Variants in ASIC2 observed in about 807,000 individuals in gnomAD.
ASIC2 encodes the protein acid sensing ion channel subunit 2.
Under a neutral mutation model 57.3 loss-of-function variants are expected in ASIC2, and 25 were observed. That is an observed-to-expected ratio of 0.44 (90% confidence interval 0.32 to 0.61). The LOEUF (loss-of-function observed/expected upper bound fraction) is 0.61, where lower values mean the gene tolerates loss of function less well. ASIC2 is among the 20% of genes least tolerant of loss of function. The pLI is 0.06. For missense variants in ASIC2, 641 were observed against 738.1 expected, an observed-to-expected ratio of 0.87 and a Z score of 1.52; for synonymous variants, 319 against 307.5, an observed-to-expected ratio of 1.04 and a Z score of -0.39.
chr17:33,302,324 A>G (rs1701267004), intron 1 of ASIC2, among the ~76,000 whole-genome samples: 1 of 152,238 alleles, frequency 6.6e-6, no homozygotes, highest in Admixed American at 6.5e-5. Context: ...TGCAGCTAAA[A>G]TAGGATTTAA....
chr17:33,556,088 G>T (rs1915898385), intron 1 of ASIC2, among the ~76,000 whole-genome samples: 3 of 152,196 alleles, frequency 2.0e-5, no homozygotes, highest in African/African-American at 7.2e-5. Flanking sequence ...TGTGGACACT[G>T]GTTTCCCAGC....
chr17:34,149,561 A>T lies in ASIC2; in HGVS notation c.555+6417T>A, dbSNP rs966520828. Reference sequence around the variant, plus strand: ...AACCCACTTTACCCAAACTCTGAAGAAGCAGTTTGACAGCTATGTGCTAAG... The same window carrying T: ...AACCCACTTTACCCAAACTCTGAAGTAGCAGTTTGACAGCTATGTGCTAAG... On this transcript the variant is annotated intron_variant, in intron 1 of 9. Coordinates refer to the ASIC2 transcript ENST00000359872. Among the ~76,000 whole-genome samples the T allele has an allele frequency of 3.9e-5, 6 of 152,344 alleles. No individual in the cohort carries two copies. In the South Asian group the frequency reaches 6.2e-4, roughly 16 times the overall value.
At chr17:33,031,903 G>A (rs1014127151) in intron 3 of ASIC2, among the ~76,000 whole-genome samples, 2 of 152,130 alleles carry the variant, frequency 1.3e-5, no homozygotes, top group Non-Finnish European at 2.9e-5. Flanking sequence ...AACAGACATG[G>A]CAGCTTTATT....
At chr17:33,593,632 C>T (rs1183643818) in intron 1 of ASIC2, among the ~76,000 whole-genome samples, 5 of 152,178 alleles carry the variant, frequency 3.3e-5, no homozygotes, top group Non-Finnish European at 5.9e-5. Flanking sequence ...GGACAAGAGT[C>T]AGTCATGTGA....
chr17:33,886,720 A>G (rs535652190), intron 1 of ASIC2, among the ~76,000 whole-genome samples: 1 of 150,992 alleles, frequency 6.6e-6, no homozygotes, highest in Non-Finnish European at 1.5e-5. Flanking sequence ...TCCTAATTAG[A>G]ATACATCAGT....
rs1366029183 is a variant in ASIC2, at chr17:33,293,116, G to T, written c.-1001C>A. 4.6e-6 allele frequency: 4 copies of T among 867,994 alleles called. No individual in the cohort carries two copies. Among genetic ancestry groups the T allele is most frequent in the Middle Eastern group, 5.7e-4 (1 of 1,748 alleles). 53.8% of individuals were successfully genotyped at this position (867,994 alleles called of 1,614,324 possible). The stretch of plus-strand genomic sequence containing the variant: ...GGGGGTGACCCGGACTCGCTGCTCC[G>T]CGCGCCCTTCTCCTCTCGAGACTCC... On this transcript the variant is annotated 5_prime_UTR_variant, in exon 1 of 10. Transcript: ENST00000225823.
At chr17:33,235,669 G>T (rs555471930) in intron 1 of ASIC2, among the ~76,000 whole-genome samples, 2 of 152,186 alleles carry the variant, frequency 1.3e-5, no homozygotes, top group African/African-American at 2.4e-5. Context: ...GAAGGAACCT[G>T]CCCTGGACAG....
chr17:33,912,949 G>A (rs1915500153), intron 1 of ASIC2, among the ~76,000 whole-genome samples: 1 of 152,034 alleles, frequency 6.6e-6, no homozygotes, highest in Non-Finnish European at 1.5e-5. Flanking sequence ...TTGCACTCCA[G>A]CCTGGGCAAC....
At chr17:34,078,049 C>G (rs912420080) in intron 1 of ASIC2, among the ~76,000 whole-genome samples, 1 of 152,138 alleles carries the variant, frequency 6.6e-6, no homozygotes, top group Non-Finnish European at 1.5e-5. Flanking sequence ...GTCCAGAATG[C>G]CCTCCTCCTG....
In ASIC2 at chr17:33,210,930, T is replaced by C. The variant is rs953515042; in HGVS notation, c.708+80478A>G. Among the ~76,000 whole-genome samples, 33 of 152,140 alleles carry C rather than the reference T, an allele frequency of 2.2e-4. 1 individual carries two copies. Among genetic ancestry groups the C allele is most frequent in the Non-Finnish European group, 2.9e-5 (2 of 68,022 alleles). ...GGCTAGACTCTTCCCAGAGCCAGTA[T>C]GTGGCTTTCAGTCTTTGACCAGGAA... On this transcript the variant is annotated intron_variant, in intron 1 of 9. Transcript: ENST00000225823.
At chr17:33,854,656 A>G (rs953121099) in intron 1 of ASIC2, among the ~76,000 whole-genome samples, 1 of 152,180 alleles carries the variant, frequency 6.6e-6, no homozygotes, top group Admixed American at 6.5e-5. Context: ...GTTGTTTCAC[A>G]TGTGTCTAAG....
At chr17:33,782,718 G>A (rs879887973) in intron 1 of ASIC2, among the ~76,000 whole-genome samples, 81 of 152,080 alleles carry the variant, frequency 5.3e-4, no homozygotes, top group Non-Finnish European at 8.8e-4. Flanking sequence ...ACAAAGCAAG[G>A]CCCTGCCACT....
intron 1 of ASIC2, among the ~76,000 whole-genome samples, chr17:34,061,533 C>T (rs895484191): frequency 1.3e-5 from 2 of 152,194 alleles, no homozygotes; most frequent in African/African-American, 4.8e-5. Flanking sequence ...TCAACACTAA[C>T]ATTGAATGTA....
At chr17:33,467,961 C>A (rs1432558934) in intron 1 of ASIC2, among the ~76,000 whole-genome samples, 1 of 152,200 alleles carries the variant, frequency 6.6e-6, no homozygotes, top group Non-Finnish European at 1.5e-5. Flanking sequence ...TATTTTACAG[C>A]ATTTGACCCT....
chr17:33,258,850 C>A (rs1466418821), intron 1 of ASIC2, among the ~76,000 whole-genome samples: 1 of 152,222 alleles, frequency 6.6e-6, no homozygotes, highest in Non-Finnish European at 1.5e-5. Flanking sequence ...AAGGCATATG[C>A]TCCTAACCAC....
chr17:33,294,440 A>G (rs901375878), upstream of ASIC2, among the ~76,000 whole-genome samples: 6 of 152,130 alleles, frequency 3.9e-5, no homozygotes, highest in African/African-American at 1.4e-4. Flanking sequence ...TGGGTTTCCA[A>G]GCAGGAGAGA....
chr17:33,079,342 C>T (rs920679037), intron 3 of ASIC2, among the ~76,000 whole-genome samples: 9 of 152,046 alleles, frequency 5.9e-5, no homozygotes, highest in Non-Finnish European at 1.0e-4. Flanking sequence ...AGGACACATA[C>T]AAGTGAGGTG....
At chr17:33,451,402 C>A (rs1201116888) in intron 1 of ASIC2, among the ~76,000 whole-genome samples, 1 of 152,126 alleles carries the variant, frequency 6.6e-6, no homozygotes, top group African/African-American at 2.4e-5. Context: ...CACCAGTTAA[C>A]TTTTTGCCTT....
chr17:33,451,238 C>A (rs1912237429), intron 1 of ASIC2, among the ~76,000 whole-genome samples: 1 of 152,016 alleles, frequency 6.6e-6, no homozygotes, highest in East Asian at 1.9e-4. Flanking sequence ...TGTATTTTTA[C>A]AAAGTTTTGT....
Sources: allele counts gnomAD v4.1 joint callset (sites outside exome capture counted in the v4.1 genomes callset), GRCh38; gene constraint gnomAD v4.1.1; transcripts MANE v1.5; gene names NCBI Gene and HGNC (gene_info 2026-07-23, HGNC 2026-07-21).